SLC6A7: variants seen among roughly 807,000 people sequenced by gnomAD.
SLC6A7 encodes the protein sodium-dependent proline transporter.
SLC6A7 carries 58 observed loss-of-function variants against 73.1 expected under a neutral mutation model. That is an observed-to-expected ratio of 0.79 (90% confidence interval 0.64 to 0.99). The LOEUF (loss-of-function observed/expected upper bound fraction) is 0.99, where lower values mean the gene tolerates loss of function less well. Ranked by LOEUF, SLC6A7 falls within the 50% of genes least tolerant of loss-of-function variation. The pLI, the probability that SLC6A7 is intolerant of heterozygous loss-of-function variation, is 0.00. For missense variants in SLC6A7, 783 were observed against 831.4 expected (o/e 0.94, Z 0.72); for synonymous variants, 338 against 338.7 (o/e 1.00, Z 0.02).
rs375148513 is a variant in SLC6A7, at chr5:150,202,592, G to A, written c.976G>A (p.Val326Ile). ...HQNIYRDTFI[V>I]TLGNAITSIL... ...TTCTTCTGGTAGAGACACTTTCATC[G>A]TCACTCTGGGCAACGCCATCACCAG... is the stretch of plus-strand genomic sequence containing the variant. The change falls in exon 8 of 14, where the codon GTC (valine) becomes ATC (isoleucine). Residue 326 changes from valine (V) to isoleucine (I), a missense_variant. Physicochemically the swap from Val to Ile is conservative, Grantham distance 29 (BLOSUM62 3). Coordinates refer to ENST00000230671, the MANE Select transcript of SLC6A7 (RefSeq NM_014228.5). 2.4e-5 allele frequency: 38 copies of A among 1,614,070 alleles called. No individual in the cohort carries two copies. Among genetic ancestry groups the A allele is most frequent in the Middle Eastern group, 1.6e-4 (1 of 6,084 alleles).
intron 1 of SLC6A7, 112 bp downstream of exon 1, chr5:150,190,472 GCTCTGGGGAAGGCCCGA>G (rs1752726393): frequency 1.4e-6 from 1 of 705,800 alleles, no homozygotes. Flanking sequence ...CCAGCTTCGG[GCTCTGGGGAAGGCCCGA>G]CTCAGCTGGA....
intron 13 of SLC6A7, among the ~76,000 whole-genome samples, chr5:150,208,186 G>A (rs1753793747): frequency 6.6e-6 from 1 of 151,880 alleles, no homozygotes; most frequent in East Asian, 1.9e-4. Context: ...GTAAAGGTAA[G>A]TTCTGCACTT....
chr5:150,202,334 C>G lies in SLC6A7; in HGVS notation c.859-13C>G. ...CATCCGCACACCCTCCCTTTCCATC[C>G]TTCCCGGCACAGGTGTGGATTGAAG... On this transcript the variant is annotated splice_polypyrimidine_tract_variant and intron_variant, in intron 6 of 13. Transcript: ENST00000230671. The G allele has an allele frequency of 6.3e-7, 1 of 1,594,832 alleles. No individual in the cohort carries two copies. Among genetic ancestry groups the G allele is most frequent in the African/African-American group, 1.3e-5 (1 of 74,686 alleles).
In SLC6A7 at chr5:150,190,271, C is replaced by T. The variant is rs1752712095; in HGVS notation, c.-57C>T. 7.6e-6 allele frequency: 11 copies of T among 1,443,974 alleles called. No homozygotes were observed. Among genetic ancestry groups the T allele is most frequent in the Non-Finnish European group, 1.0e-5 (11 of 1,074,768 alleles). 89.4% of individuals were successfully genotyped at this position (1,443,974 alleles called of 1,614,324 possible). On this transcript the variant is annotated 5_prime_UTR_variant, in exon 1 of 14. Transcript: ENST00000230671. Reference sequence around the variant, plus strand: ...GCGCAGTGGCCAGCGGACCATCTCTCGTGCCCTCGCTCTCTGCGCTCCGGG... The same window carrying T: ...GCGCAGTGGCCAGCGGACCATCTCTTGTGCCCTCGCTCTCTGCGCTCCGGG...
In SLC6A7 at chr5:150,196,852, G is replaced by A. The variant is rs375660899; in HGVS notation, c.349+5G>A. ...AAATCAGCCCTCTCTTCAAAGGTGA[G>A]GCCTCAGTGGTCCCCAGGGAGGGAA... On this transcript the variant is annotated splice_donor_5th_base_variant and intron_variant, in intron 3 of 13. Transcript: ENST00000230671. 4 of 1,613,278 alleles carry A rather than the reference G, an allele frequency of 2.5e-6. No homozygotes were observed. The highest frequency in any genetic ancestry group is 3.4e-6 in the Non-Finnish European group (4 of 1,179,520).
intron 6 of SLC6A7, among the ~76,000 whole-genome samples, chr5:150,201,687 C>T (rs533153645): frequency 1.1e-3 from 160 of 152,192 alleles, no homozygotes; most frequent in African/African-American, 3.7e-3. Flanking sequence ...GCTAGGGGAT[C>T]GAAGAACAGG....
At position 150,199,269 on chromosome 5, in the gene SLC6A7, G is replaced by T; in HGVS notation, c.626G>T (p.Ser209Ile). ...LHIQGSQGIG[S>I]PGEIRWNLCL... ...ATCCAAGGCAGCCAGGGCATCGGCAGCCCTGGGGAGATCCGCTGGAACCTC... is the reference window on the plus strand; with the variant it reads ...ATCCAAGGCAGCCAGGGCATCGGCATCCCTGGGGAGATCCGCTGGAACCTC... The change falls in exon 5 of 14, where the codon AGC (serine) becomes ATC (isoleucine). Residue 209 changes from serine (S) to isoleucine (I), a missense_variant. By Grantham distance (142) the Ser-to-Ile change is moderately radical (BLOSUM62 -2). Coordinates refer to ENST00000230671, the MANE Select transcript of SLC6A7 (RefSeq NM_014228.5). 1.2e-6 allele frequency: 2 copies of T among 1,613,960 alleles called. No homozygotes were observed. Among genetic ancestry groups the T allele is most frequent in the Admixed American group, 1.7e-5 (1 of 60,004 alleles).
Position 150,199,306 on chromosome 5 carries a change from G to C in SLC6A7, c.663G>C (p.Leu221=), listed in dbSNP as rs770777858. Residue 221 remains leucine, a synonymous_variant, in exon 5 of 14, where the codon CTG becomes CTC. Coordinates refer to ENST00000230671, the MANE Select transcript of SLC6A7 (RefSeq NM_014228.5). ...GEIRWNLCLC[L]LLAWVIVFLC... is the part of the protein sequence containing the mutation. ...TCCGCTGGAACCTCTGCCTCTGCCTGCTGCTGGCCTGGGTCATCGTGTTCC... is the reference window on the plus strand; with the variant it reads ...TCCGCTGGAACCTCTGCCTCTGCCTCCTGCTGGCCTGGGTCATCGTGTTCC... The C allele has an allele frequency of 6.2e-7, 1 of 1,614,166 alleles. No individual in the cohort carries two copies. Among genetic ancestry groups the C allele is most frequent in the South Asian group, 1.1e-5 (1 of 91,076 alleles).
chr5:150,194,754 C>T lies in SLC6A7; in HGVS notation c.60C>T (p.Thr20=), dbSNP rs202053910. The T allele has an allele frequency of 1.9e-6, 3 of 1,614,048 alleles. No homozygotes were observed. The highest frequency in any genetic ancestry group is 2.5e-6 in the Non-Finnish European group (3 of 1,179,980). ...RKPVTPDLLM[T]PSDQGDVDLD... ...CTGTCACCCCAGACCTGCTGATGAC[C>T]CCCAGTGACCAGGGCGATGTCGACC... is the stretch of plus-strand genomic sequence containing the variant. The change falls in exon 2 of 14, where the codon ACC becomes ACT. Residue 20 remains threonine (T), a synonymous_variant. Transcript: ENST00000230671.
chr5:150,198,103 GAAAGAAA>G (rs1262546981), intron 4 of SLC6A7, among the ~76,000 whole-genome samples: 1 of 106,306 alleles, frequency 9.4e-6, no homozygotes, highest in South Asian at 3.0e-4. Context: ...AAGAAAGAAA[GAAAGAAA>G]GAAAGAGAAA....
At chr5:150,204,177 A>G (rs1753559211) in intron 10 of SLC6A7, 139 bp downstream of exon 10, 4 of 844,324 alleles carry the variant, frequency 4.7e-6, no homozygotes, top group Admixed American at 2.7e-5. Context: ...CCCCGGCCCT[A>G]TCTCCCAAGG....
chr5:150,192,473 G>A (rs1394994750), intron 1 of SLC6A7, among the ~76,000 whole-genome samples: 2 of 152,194 alleles, frequency 1.3e-5, no homozygotes, highest in Non-Finnish European at 2.9e-5. Context: ...GAAGAAGTAT[G>A]AAGCAACTCA....
Position 150,205,554 on chromosome 5 carries a change from G to C in SLC6A7, c.1632G>C (p.Leu544=). 6.2e-7 allele frequency: 1 copy of C among 1,613,716 alleles called. No homozygotes were observed. The highest frequency in any genetic ancestry group is 8.5e-7 in the Non-Finnish European group (1 of 1,179,860). ...AGCTGCTGGGCATCCTGATGGGCCT[G>C]CTGTCCTGCCTCATGATCCCAGCTG... is the stretch of plus-strand genomic sequence containing the variant. ...WAELLGILMG[L]LSCLMIPAGM... The change falls in exon 13 of 14, where the codon CTG becomes CTC. Residue 544 remains leucine, a synonymous_variant. Transcript: ENST00000230671.
Position 150,209,744 on chromosome 5 carries a change from C to CG in SLC6A7, c.*129_*130insG. On this transcript the variant is annotated 3_prime_UTR_variant, in exon 14 of 14. Transcript: ENST00000230671. ...GGGGGCCTGCCATAGGGATGCCAGTCCCCCAGTGGGGGTCCCTTCTGCAGC... is the reference window on the plus strand; with the variant it reads ...GGGGGCCTGCCATAGGGATGCCAGTCGCCCCAGTGGGGGTCCCTTCTGCAGC... 1 of 763,854 alleles carries CG rather than the reference C, an allele frequency of 1.3e-6. No individual in the cohort carries two copies. The highest frequency in any genetic ancestry group is 2.2e-6 in the Non-Finnish European group (1 of 453,578). 47.3% of individuals were successfully genotyped at this position (763,854 alleles called of 1,614,324 possible).
chr5:150,199,752 G>T (rs114557409), intron 5 of SLC6A7, among the ~76,000 whole-genome samples: 1 of 152,140 alleles, frequency 6.6e-6, no homozygotes, highest in Non-Finnish European at 1.5e-5. Context: ...AGTCCAGAGG[G>T]TGTGCTTCAG....
intron 1 of SLC6A7, among the ~76,000 whole-genome samples, chr5:150,191,523 C>T (rs112983979): frequency 0.021 from 3,195 of 151,408 alleles, 124 homozygotes; most frequent in African/African-American, 0.073. Flanking sequence ...CTCTGCCTCC[C>T]GGGTTCACGC....
chr5:150,202,212 G>T, intron 6 of SLC6A7, 135 bp from the exon 7 acceptor site: 1 of 672,036 alleles, frequency 1.5e-6, no homozygotes, highest in Non-Finnish European at 2.7e-6. Flanking sequence ...CACGTCACTT[G>T]TGAGCCAGGC....
intron 3 of SLC6A7, 95 bp from the exon 4 acceptor site, chr5:150,196,947 G>A (rs1371631395): frequency 1.3e-6 from 2 of 1,532,048 alleles, no homozygotes; most frequent in African/African-American, 1.4e-5. Context: ...AGAGGTGGAA[G>A]TGAAGCCCAG....
At chr5:150,205,408 C>T (rs116762904) in intron 12 of SLC6A7, 48 bp from the exon 13 acceptor site, 2 of 1,514,316 alleles carry the variant, frequency 1.3e-6, no homozygotes, top group African/African-American at 2.9e-5. Flanking sequence ...GGGCCTTAAG[C>T]AGTTTAGACA....
Sources: allele counts gnomAD v4.1 joint callset (sites outside exome capture counted in the v4.1 genomes callset), GRCh38; gene constraint gnomAD v4.1.1; transcripts MANE v1.5; gene names NCBI Gene and HGNC (gene_info 2026-07-23, HGNC 2026-07-21).